The following ERBB4 variants were observed in gnomAD, a reference collection of about 807,000 sequenced individuals.
The protein encoded by ERBB4 is receptor tyrosine-protein kinase erbB-4.
Under a neutral mutation model 158.0 loss-of-function variants are expected in ERBB4, and 42 were observed. The observed-to-expected ratio is 0.27, with a 90% CI of 0.21 to 0.34. The LOEUF (loss-of-function observed/expected upper bound fraction) is 0.34, where lower values mean the gene tolerates loss of function less well. Among genes scored for constraint, ERBB4 ranks in the 10% least tolerant of loss-of-function variants. The pLI is 1.00. For missense variants in ERBB4, 1,333 were observed against 1,624.1 expected (o/e 0.82, Z 3.08); for synonymous variants, 583 against 558.7 (o/e 1.04, Z -0.61).
At chr2:211,700,462 T>A (rs2073191928) in intron 12 of ERBB4, among the ~76,000 whole-genome samples, 1 of 152,312 alleles carries the variant, frequency 6.6e-6, no homozygotes, top group Middle Eastern at 3.4e-3. Flanking sequence ...AGCAGGAACC[T>A]CATGTTGTAA....
intron 16 of ERBB4, among the ~76,000 whole-genome samples, chr2:211,637,561 AAACC>A (rs1348723276): frequency 1.3e-5 from 2 of 152,054 alleles, no homozygotes; most frequent in African/African-American, 4.8e-5. Flanking sequence ...TCATAGAGGT[AAACC>A]AAAGGCTTTT....
At chr2:212,147,090 A>C (rs528909740) in intron 1 of ERBB4, among the ~76,000 whole-genome samples, 6 of 141,122 alleles carry the variant, frequency 4.3e-5, no homozygotes, top group African/African-American at 1.6e-4. Flanking sequence ...TCCGGGGTTC[A>C]AGTGATCCTC....
chr2:211,410,936 G>C (rs2063244010), intron 25 of ERBB4, among the ~76,000 whole-genome samples: 1 of 152,196 alleles, frequency 6.6e-6, no homozygotes. Flanking sequence ...TTGAGACAGA[G>C]TCTAGCTCTG....
chr2:211,788,512 T>C (rs1205510081), intron 3 of ERBB4, among the ~76,000 whole-genome samples: 1 of 152,128 alleles, frequency 6.6e-6, no homozygotes, highest in Non-Finnish European at 1.5e-5. Flanking sequence ...TAATATTATG[T>C]AGTGAGTACT....
intron 1 of ERBB4, among the ~76,000 whole-genome samples, chr2:212,271,870 G>A (rs1464048873): frequency 6.6e-6 from 1 of 151,750 alleles, no homozygotes; most frequent in Non-Finnish European, 1.5e-5. Flanking sequence ...GAGCTGCAAA[G>A]GCAAGATGCT....
intron 4 of ERBB4, among the ~76,000 whole-genome samples, chr2:211,759,920 GGAT>G (rs2075369016): frequency 1.3e-5 from 2 of 151,624 alleles, no homozygotes; most frequent in African/African-American, 4.9e-5. Flanking sequence ...TAAACATTTT[GGAT>G]GATATTAAAT....
At chr2:212,220,842 T>C (rs1424057350) in intron 1 of ERBB4, among the ~76,000 whole-genome samples, 3 of 151,622 alleles carry the variant, frequency 2.0e-5, no homozygotes, top group African/African-American at 4.8e-5. Flanking sequence ...TAATGTGTGA[T>C]TGATGAATTA....
In ERBB4 at chr2:211,387,141, C is replaced by T. The variant is rs149665378; in HGVS notation, c.3193G>A (p.Val1065Ile). Residue 1065 changes from valine to isoleucine, a missense_variant, in exon 27 of 28, where the codon GTA (valine) becomes ATA (isoleucine). Physicochemically the swap from Val to Ile is conservative, Grantham distance 29. Coordinates refer to ENST00000342788, the MANE Select transcript of ERBB4 (RefSeq NM_005235.3). Reference protein sequence around the residue: ...AYTPMSGNQFVYRDGGFAAEQ... With the variant: ...AYTPMSGNQFIYRDGGFAAEQ... ...GCAGCAAAACCTCCATCTCGGTATA[C>T]AAACTGGTTCTGTTAATAAGAGAAA... 1 of 1,612,044 alleles carries T rather than the reference C, an allele frequency of 6.2e-7. No individual in the cohort carries two copies.
rs145160368 is a variant in ERBB4 at position 211,692,269 on chromosome 2, C to T, written c.1489+9698G>A. Reference sequence around the variant, plus strand: ...AGGATTGAGCCCTAGTGATGTTGTTCGAACCCCTGGATCCAATTGTGTCCG... The same window carrying T: ...AGGATTGAGCCCTAGTGATGTTGTTTGAACCCCTGGATCCAATTGTGTCCG... On this transcript the variant is annotated intron_variant, in intron 12 of 27. Coordinates refer to ENST00000342788, the MANE Select transcript of ERBB4 (RefSeq NM_005235.3). Among the ~76,000 whole-genome samples, 837 of 152,268 alleles carry T rather than the reference C, an allele frequency of 5.5e-3. 9 individuals are homozygous for T. The highest frequency in any genetic ancestry group is 6.8e-3 in the Middle Eastern group (2 of 294).
chr2:211,589,561 C>T (rs575473216), intron 19 of ERBB4, among the ~76,000 whole-genome samples: 2 of 152,244 alleles, frequency 1.3e-5, no homozygotes, highest in African/African-American at 4.8e-5. Flanking sequence ...CACTCCCATA[C>T]AAAAATGTTT....
At chr2:212,243,384 TTTAA>T (rs2084187601) in intron 1 of ERBB4, among the ~76,000 whole-genome samples, 1 of 152,172 alleles carries the variant, frequency 6.6e-6, no homozygotes, top group African/African-American at 2.4e-5. Context: ...TAAGAAGAAA[TTTAA>T]TTGTTTTGTA....
intron 2 of ERBB4, among the ~76,000 whole-genome samples, chr2:212,004,033 A>G (rs2076204169): frequency 6.6e-6 from 1 of 152,236 alleles, no homozygotes; most frequent in Non-Finnish European, 1.5e-5. Flanking sequence ...TACTAGTAGT[A>G]TAACTACTAC....
At chr2:212,091,698 A>G (rs773556711) in intron 2 of ERBB4, among the ~76,000 whole-genome samples, 2 of 152,196 alleles carry the variant, frequency 1.3e-5, no homozygotes, top group Non-Finnish European at 2.9e-5. Context: ...TGAAACAAAC[A>G]TTGAAAAAAA....
chr2:212,143,420 T>A (rs1476280748), intron 1 of ERBB4, among the ~76,000 whole-genome samples: 1 of 152,154 alleles, frequency 6.6e-6, no homozygotes, highest in East Asian at 1.9e-4. Flanking sequence ...GAGATGGTTA[T>A]AAGAGCCAAA....
In ERBB4 at chr2:211,385,061, T is replaced by C. The variant is rs574077732; in HGVS notation, c.3482-1001A>G. On this transcript the variant is annotated intron_variant, in intron 27 of 27. Transcript: ENST00000342788. ...CTATTCCTATTTTGAATTCAAGGCA[T>C]GAAGAGGGCACAATTCTTTGTTGAG... 2.6e-5 allele frequency among the ~76,000 whole-genome samples: 4 copies of C among 152,272 alleles called. No individual in the cohort carries two copies. In the East Asian group the frequency reaches 7.7e-4, roughly 29 times the overall value.
intron 2 of ERBB4, among the ~76,000 whole-genome samples, chr2:212,113,303 C>T (rs1343848949): frequency 6.6e-6 from 1 of 151,926 alleles, no homozygotes; most frequent in Non-Finnish European, 1.5e-5. Context: ...TGGCCGGGTG[C>T]GGTGGCTCAC....
chr2:211,865,031 T>G (rs981043786), intron 3 of ERBB4, among the ~76,000 whole-genome samples: 1 of 151,876 alleles, frequency 6.6e-6, no homozygotes, highest in African/African-American at 2.4e-5. Flanking sequence ...AATAAATAAA[T>G]AAAAGATTGA....
chr2:212,310,547 T>C (rs1056993744), intron 1 of ERBB4, among the ~76,000 whole-genome samples: 1 of 150,344 alleles, frequency 6.7e-6, no homozygotes, highest in African/African-American at 2.4e-5. Context: ...CTGGCAGCTG[T>C]TCCCTAAGTA....
At chr2:211,934,142 A>G (rs980730182) in intron 3 of ERBB4, among the ~76,000 whole-genome samples, 3 of 151,998 alleles carry the variant, frequency 2.0e-5, no homozygotes, top group African/African-American at 7.2e-5. Flanking sequence ...TCTAATAATT[A>G]TTAAAACTAA....
Sources: gnomAD v4.1 joint callset for allele counts (sites outside exome capture counted in the v4.1 genomes callset) on GRCh38, gnomAD v4.1.1 for gene constraint, MANE v1.5 for transcripts, NCBI Gene and HGNC (gene_info 2026-07-23, HGNC 2026-07-21) for gene names.